Variants in ITGA11 observed in about 807,000 individuals in gnomAD.
ITGA11 encodes the protein integrin alpha-11.
ITGA11 carries 97 observed loss-of-function variants against 141.9 expected under a neutral mutation model. That is an observed-to-expected ratio of 0.68 (90% confidence interval 0.58 to 0.81). The LOEUF (loss-of-function observed/expected upper bound fraction) is 0.81. Among genes scored for constraint, ITGA11 ranks in the 30% least tolerant of loss-of-function variants. The probability of loss-of-function intolerance (pLI) is 0.00; values close to 1 mark genes in which losing one functional copy is unlikely to be tolerated. For missense variants in ITGA11, 1,387 were observed against 1,559.2 expected (o/e 0.89, Z 1.86); for synonymous variants, 658 against 624.6 (o/e 1.05, Z -0.80).
intron 1 of ITGA11, among the ~76,000 whole-genome samples, chr15:68,429,887 C>T (rs980465318): frequency 2.0e-5 from 3 of 152,204 alleles, no homozygotes; most frequent in Admixed American, 6.5e-5. Context: ...TCTCCTCCTC[C>T]AGGAAGCCTT....
At chr15:68,389,553 G>C (rs1595887797) in intron 2 of ITGA11, among the ~76,000 whole-genome samples, 1 of 152,326 alleles carries the variant, frequency 6.6e-6, no homozygotes, top group South Asian at 2.1e-4. Flanking sequence ...TATTAATTAT[G>C]TCATCATTTG....
chr15:68,316,723 G>A (rs1893592434), intron 21 of ITGA11, among the ~76,000 whole-genome samples: 1 of 152,184 alleles, frequency 6.6e-6, no homozygotes, highest in Non-Finnish European at 1.5e-5. Context: ...ACGCAGCTTG[G>A]CCTCAATTAG....
intron 2 of ITGA11, among the ~76,000 whole-genome samples, chr15:68,374,470 C>CT (rs975824651): frequency 5.9e-5 from 9 of 152,158 alleles, no homozygotes; most frequent in African/African-American, 2.2e-4. Context: ...TGTCTGAGGC[C>CT]TCAGACAGGC....
rs1567132295 is a variant in ITGA11 at position 68,331,871 on chromosome 15, CT to C, written c.1757del (p.Lys586ArgfsTer46). The C allele has an allele frequency of 6.2e-7, 1 of 1,612,042 alleles. No homozygotes were observed. Among genetic ancestry groups the C allele is most frequent in the Non-Finnish European group, 8.5e-7 (1 of 1,179,196 alleles). On this transcript the variant is annotated frameshift_variant, in exon 14 of 30. Transcript: ENST00000315757. LOFTEE classifies it high-confidence loss of function. Reference sequence around the variant, plus strand: ...AGGGAAGCCTGACCTGCTTAGGTGTCTTCAGGATGCTGCCTCGGAAGCCGTG... The same window carrying C: ...AGGGAAGCCTGACCTGCTTAGGTGTCTCAGGATGCTGCCTCGGAAGCCGTG... Reference protein sequence around the residue: ...IFHGFRGSILKTPKQRITASE... With the variant: ...IFHGFRGSILXTPKQRITASE...
chr15:68,319,470 G>A (rs968455743), intron 20 of ITGA11, among the ~76,000 whole-genome samples: 1 of 152,254 alleles, frequency 6.6e-6, no homozygotes, highest in Non-Finnish European at 1.5e-5. Context: ...AACCAGCAGG[G>A]CGTGCTGGGA....
rs372190430 is a variant in ITGA11 at position 68,313,154 on chromosome 15, C to T, written c.2883-291G>A. Among the ~76,000 whole-genome samples the T allele has an allele frequency of 1.3e-3, 192 of 152,280 alleles. 1 individual carries two copies. The highest frequency in any genetic ancestry group is 4.3e-3 in the African/African-American group (180 of 41,558). On this transcript the variant is annotated intron_variant, in intron 23 of 29. Coordinates refer to ENST00000315757, the MANE Select transcript of ITGA11 (RefSeq NM_001004439.2). Reference sequence around the variant, plus strand: ...TCTGCCTAGGAGTGTAGCTACTTTTCGGAGTGACCATGCCACTGTGCTCCC... The same window carrying T: ...TCTGCCTAGGAGTGTAGCTACTTTTTGGAGTGACCATGCCACTGTGCTCCC...
rs373987349 is a variant in ITGA11 at position 68,316,878 on chromosome 15, GCA to G, written c.2715+385_2715+386del. On this transcript the variant is annotated intron_variant, in intron 21 of 29. Coordinates refer to ENST00000315757, the MANE Select transcript of ITGA11 (RefSeq NM_001004439.2). ...ACCCTCTATTCACATGAGCTTTTAA[GCA>G]CAGTTGGGTGGTAGGTACTCACGAA... Among the ~76,000 whole-genome samples, 48 of 152,316 alleles carry G rather than the reference GCA, an allele frequency of 3.2e-4. No homozygotes were observed. The East Asian group carries it at 8.9e-3, about 28-fold the overall frequency.
rs536919730 is a variant in ITGA11 at position 68,385,884 on chromosome 15, T to A, written c.165-16600A>T. On this transcript the variant is annotated intron_variant, in intron 2 of 29. Coordinates refer to ENST00000315757, the MANE Select transcript of ITGA11 (RefSeq NM_001004439.2). ...TGGGGCAAATGATTTCTCAGACCCC[T>A]CCCAGGCCTGGGGAGGAGCTGCAGC... is the stretch of plus-strand genomic sequence containing the variant. Among the ~76,000 whole-genome samples, 5 of 152,096 alleles carry A rather than the reference T, an allele frequency of 3.3e-5. No individual in the cohort carries two copies. The East Asian group carries it at 5.8e-4, about 18-fold the overall frequency.
intron 2 of ITGA11, among the ~76,000 whole-genome samples, chr15:68,396,930 A>ATATACAATGTATTATTTAT (rs761543974): frequency 2.9e-5 from 1 of 34,292 alleles, no homozygotes; most frequent in South Asian, 1.3e-3. Context: ...TTATTATATA[A>ATATACAATGTATTATTTAT]TATATAATAT....
At chr15:68,402,783 G>T in intron 2 of ITGA11, 135 bp downstream of exon 2, 1 of 619,994 alleles carries the variant, frequency 1.6e-6, no homozygotes. Context: ...TGACCTGCTG[G>T]GACAGAGTCA....
At chr15:68,422,366 C>T (rs1897039108) in intron 1 of ITGA11, among the ~76,000 whole-genome samples, 1 of 152,124 alleles carries the variant, frequency 6.6e-6, no homozygotes, top group Non-Finnish European at 1.5e-5. Context: ...CGTCCTTGGT[C>T]TCCCAGACAC....
Position 68,333,140 on chromosome 15 carries a change from C to A in ITGA11, c.1426-662G>T, listed in dbSNP as rs965893340. ...TTTGAGGCAAGGTTTTGCTCCATCA[C>A]CCAGACTGGAGTGCAATGGTGCAAT... is the stretch of plus-strand genomic sequence containing the variant. On this transcript the variant is annotated intron_variant, in intron 12 of 29. Transcript: ENST00000315757. The surrounding 1 kb of genome is among the most constrained non-coding windows in gnomAD (Gnocchi z 4.2). Among the ~76,000 whole-genome samples, 2 of 151,510 alleles carry A rather than the reference C, an allele frequency of 1.3e-5. No homozygotes were observed. Among genetic ancestry groups the A allele is most frequent in the African/African-American group, 4.9e-5 (2 of 41,164 alleles).
At chr15:68,311,161 C>T in intron 25 of ITGA11, 81 bp from the exon 26 acceptor site, 1 of 1,328,978 alleles carries the variant, frequency 7.5e-7, no homozygotes, top group Non-Finnish European at 1.1e-6. Context: ...AGAGAGGTTT[C>T]TTTTCTCCTC....
chr15:68,351,598 G>A (rs2140332737), intron 7 of ITGA11, among the ~76,000 whole-genome samples, 196 bp from the exon 8 acceptor site: 1 of 152,308 alleles, frequency 6.6e-6, no homozygotes, highest in Non-Finnish European at 1.5e-5. Context: ...TGCTCAGAGG[G>A]TTCTTAGATC....
In ITGA11 at chr15:68,307,742, A is replaced by T; in HGVS notation, c.3175-46T>A. On this transcript the variant is annotated intron_variant, in intron 26 of 29. Transcript: ENST00000315757. This position sits in a 1 kb window ranked among gnomAD's most constrained non-coding sequence, Gnocchi z 6.1. The stretch of plus-strand genomic sequence containing the variant: ...CAGGGCTGAGCTGCTGGGCTAGGGG[A>T]GCAGGGGGCAGCAACACTGCTTGAA... 7.6e-7 allele frequency: 1 copy of T among 1,322,294 alleles called. No homozygotes were observed. The highest frequency in any genetic ancestry group is 1.1e-6 in the Non-Finnish European group (1 of 922,860). 81.9% of individuals were successfully genotyped at this position (1,322,294 alleles called of 1,614,324 possible).
intron 2 of ITGA11, among the ~76,000 whole-genome samples, chr15:68,386,871 T>A (rs982253060): frequency 5.9e-5 from 9 of 152,082 alleles, no homozygotes; most frequent in Admixed American, 1.3e-4. Context: ...GACAGGCTGA[T>A]GAGACTAAAG....
chr15:68,412,803 G>A (rs1029019493), intron 1 of ITGA11, among the ~76,000 whole-genome samples: 1 of 148,552 alleles, frequency 6.7e-6, no homozygotes. Flanking sequence ...AGTCTTCCAA[G>A]TAGCTGGGAC....
rs1893359998 is a variant in ITGA11 at position 68,310,974 on chromosome 15, T to A, written c.3174+20A>T. On this transcript the variant is annotated intron_variant, in intron 26 of 29. Transcript: ENST00000315757. Reference sequence around the variant, plus strand: ...CCTCTAACCCCAACCACTGTGGCTCTCGGTCTGGGGGACACTCACCAGCTG... The same window carrying A: ...CCTCTAACCCCAACCACTGTGGCTCACGGTCTGGGGGACACTCACCAGCTG... The A allele has an allele frequency of 1.9e-6, 3 of 1,578,704 alleles. No individual in the cohort carries two copies. The highest frequency in any genetic ancestry group is 2.3e-5 in the South Asian group (2 of 86,734).
At chr15:68,353,705 A>C (rs138782465) in intron 7 of ITGA11, among the ~76,000 whole-genome samples, 2,571 of 152,224 alleles carry the variant, frequency 0.017, 41 homozygotes, top group South Asian at 0.066. Context: ...GAGAGCAGCA[A>C]GAGCTTTATA....
Sources: gnomAD v4.1 joint callset for allele counts (sites outside exome capture counted in the v4.1 genomes callset) on GRCh38, gnomAD v4.1.1 for gene constraint, Gnocchi (gnomAD v3.1) non-coding constraint, MANE v1.5 for transcripts, NCBI Gene and HGNC (gene_info 2026-07-23, HGNC 2026-07-21) for gene names.